The following DBT variants were observed in gnomAD, a reference collection of about 807,000 sequenced individuals.
The protein encoded by DBT is lipoamide acyltransferase component of branched-chain alpha-keto acid dehydrogenase complex, mitochondrial.
A neutral mutation model predicts 51.3 loss-of-function variants in DBT; 40 were observed. That is an observed-to-expected ratio of 0.78 (90% CI 0.61 to 1.02). DBT has a LOEUF of 1.02. DBT is among the 50% of genes least tolerant of loss of function. DBT has a pLI of 0.00. For missense variants in DBT, 510 were observed against 580.2 expected (o/e 0.88, Z 1.24); for synonymous variants, 181 against 190.4 (o/e 0.95, Z 0.41).
intron 4 of DBT, among the ~76,000 whole-genome samples, chr1:100,229,045 A>G (rs912676343): frequency 2.6e-5 from 4 of 152,222 alleles, no homozygotes; most frequent in African/African-American, 9.6e-5. Flanking sequence ...AGCCTTCAAT[A>G]AATCACCTTC....
At chr1:100,244,033 A>G (rs1664389968) in intron 1 of DBT, among the ~76,000 whole-genome samples, 1 of 144,382 alleles carries the variant, frequency 6.9e-6, no homozygotes, top group Non-Finnish European at 1.5e-5. Context: ...ATTGCACTCC[A>G]GCCTAGGCAA....
At chr1:100,205,025 C>T (rs1267897945) in intron 10 of DBT, among the ~76,000 whole-genome samples, 1 of 152,130 alleles carries the variant, frequency 6.6e-6, no homozygotes. Flanking sequence ...CTAGGCAATA[C>T]CATTTAGGAC....
intron 2 of DBT, among the ~76,000 whole-genome samples, chr1:100,239,601 G>C (rs948725394): frequency 1.3e-5 from 2 of 151,944 alleles, no homozygotes; most frequent in Non-Finnish European, 2.9e-5. Flanking sequence ...GGCCGGTGCA[G>C]GGCTCATGCC....
intron 3 of DBT, among the ~76,000 whole-genome samples, chr1:100,233,434 C>T (rs1428240175): frequency 1.3e-5 from 2 of 152,190 alleles, no homozygotes; most frequent in Admixed American, 6.5e-5. Flanking sequence ...TGCTTCCTTA[C>T]ATATTCAAAT....
intron 8 of DBT, among the ~76,000 whole-genome samples, chr1:100,207,815 ACT>A (rs765396961): frequency 2.6e-5 from 4 of 151,330 alleles, no homozygotes; most frequent in East Asian, 1.9e-4. Context: ...ACAGAGCAAA[ACT>A]CTGTGTCAAA....
chr1:100,220,142 CAAAAAGAAAAAAG>C (rs1662765648), intron 4 of DBT, among the ~76,000 whole-genome samples: 1 of 150,794 alleles, frequency 6.6e-6, no homozygotes, highest in African/African-American at 2.4e-5. Context: ...AAGGCTGCCT[CAAAAAGAAAAAAG>C]GAAAAGAAAA....
chr1:100,215,958 A>G (rs770301628), intron 6 of DBT, 25 bp downstream of exon 6: 1 of 1,319,692 alleles, frequency 7.6e-7, no homozygotes. Flanking sequence ...CTATTGCCTT[A>G]TAGTATTGTT....
Position 100,216,181 on chromosome 1 carries a change from C to A in DBT, c.574G>T (p.Val192Phe). ...ATTCTGCCATCTTTTCCTGAGCCAA[C>A]AACTTCACTCAGCTTAATCTAAAAA... The part of the protein sequence containing the change: ...MENNIKLSEV[V>F]GSGKDGRILK... Residue 192 changes from valine (V) to phenylalanine (F), a missense_variant, in exon 6 of 11, where the codon GTT becomes TTT. Coordinates refer to ENST00000370132, the MANE Select transcript of DBT (RefSeq NM_001918.5). The A allele has an allele frequency of 6.2e-7, 1 of 1,612,400 alleles. No individual in the cohort carries two copies. Among genetic ancestry groups the A allele is most frequent in the Admixed American group, 1.7e-5 (1 of 60,026 alleles).
intron 8 of DBT, among the ~76,000 whole-genome samples, chr1:100,207,263 A>C (rs544934108): frequency 2.6e-5 from 4 of 152,294 alleles, no homozygotes; most frequent in South Asian, 4.1e-4. Flanking sequence ...AATTTCCTTG[A>C]AAACTGATTT....
At chr1:100,248,307 T>C (rs1664675846) in intron 1 of DBT, among the ~76,000 whole-genome samples, 2 of 152,168 alleles carry the variant, frequency 1.3e-5, no homozygotes, top group African/African-American at 4.8e-5. Flanking sequence ...TTGATAATCA[T>C]AAGCCACTTA....
intron 8 of DBT, among the ~76,000 whole-genome samples, chr1:100,208,910 CAAA>C (rs11369687): frequency 3.7e-5 from 4 of 109,420 alleles, no homozygotes; most frequent in Non-Finnish European, 3.8e-5. Flanking sequence ...GACTCTGTAT[CAAA>C]AAAAAAAAAA....
Position 100,202,590 on chromosome 1 carries a change from C to A in DBT, c.1281+3640G>T, listed in dbSNP as rs557290517. 3.9e-4 allele frequency among the ~76,000 whole-genome samples: 60 copies of A among 152,302 alleles called. No individual in the cohort carries two copies. In the East Asian group the frequency reaches 0.01, roughly 26 times the overall value. On this transcript the variant is annotated intron_variant, in intron 10 of 10. Coordinates refer to ENST00000370132, the MANE Select transcript of DBT (RefSeq NM_001918.5). ...TGGACCAAGCGGACCTAATAGACAT[C>A]GACAGAACTCTCCACCCCAAATCAA... is the stretch of plus-strand genomic sequence containing the variant.
rs893877678 is a variant in DBT at position 100,194,742 on chromosome 1, T to C, written c.*1513A>G. 6.6e-6 allele frequency: 1 copy of C among 152,248 alleles called. No homozygotes were observed. Among genetic ancestry groups the C allele is most frequent in the African/African-American group, 2.4e-5 (1 of 41,468 alleles). The allele number at this position is 152,248 out of a possible 1,614,324, so 9.4% of individuals were successfully genotyped here. On this transcript the variant is annotated 3_prime_UTR_variant, in exon 11 of 11. Coordinates refer to ENST00000370132, the MANE Select transcript of DBT (RefSeq NM_001918.5). ...GATCCTCCTGCTTCAGCCTCCCCTA[T>C]AACTGGGATTACAGTTACAAGTCAT... is the stretch of plus-strand genomic sequence containing the variant.
Position 100,239,851 on chromosome 1 carries a change from C to CAAAAAA in DBT, c.175+904_175+909dup, listed in dbSNP as rs56661922. Among the ~76,000 whole-genome samples the CAAAAAA allele has an allele frequency of 1.2e-3, 137 of 111,118 alleles. 1 individual carries two copies. The highest frequency in any genetic ancestry group is 1.5e-3 in the Non-Finnish European group (84 of 55,384). The allele number at this position is 111,118 out of a possible 152,430, so 72.9% of individuals were successfully genotyped here. ...GCACTCCAGCCTGAGCAACAGAGCTCAAAAAAAAAAAAAAAAAAAAAAAAA... is the reference window on the plus strand; with the variant it reads ...GCACTCCAGCCTGAGCAACAGAGCTCAAAAAAAAAAAAAAAAAAAAAAAAAAAAAAA... On this transcript the variant is annotated intron_variant, in intron 2 of 10. Transcript: ENST00000370132.
At chr1:100,210,535 C>T (rs1209624460) in intron 8 of DBT, 159 bp downstream of exon 8, 8 of 997,456 alleles carry the variant, frequency 8.0e-6, no homozygotes, top group Admixed American at 3.0e-5. Flanking sequence ...ACAAAAACAA[C>T]AACAATGAAT....
At chr1:100,217,523 G>A (rs1010031239) in intron 5 of DBT, among the ~76,000 whole-genome samples, 6 of 152,246 alleles carry the variant, frequency 3.9e-5, no homozygotes, top group Non-Finnish European at 8.8e-5. Flanking sequence ...TTATTTTCTT[G>A]GGATAGTTCC....
chr1:100,211,336 T>G (rs1394552276), intron 7 of DBT, among the ~76,000 whole-genome samples: 1 of 152,218 alleles, frequency 6.6e-6, no homozygotes, highest in Non-Finnish European at 1.5e-5. Flanking sequence ...GCCTTCTCCC[T>G]TTTGTCACTT....
rs761376358 is a variant in DBT, at chr1:100,214,911, A to G, written c.845T>C (p.Ile282Thr). The G allele has an allele frequency of 6.2e-7, 1 of 1,613,550 alleles. No individual in the cohort carries two copies. Among genetic ancestry groups the G allele is most frequent in the Non-Finnish European group, 8.5e-7 (1 of 1,179,432 alleles). Residue 282 changes from isoleucine (I) to threonine (T), a missense_variant, in exon 7 of 11, where the codon ATT becomes ACT. Transcript: ENST00000370132. The stretch of plus-strand genomic sequence containing the variant: ...GAGCTTAACCAGTTCAGTAAGGTCA[A>G]TCTCATCACAATAACCAAAATGAGG... ...KIPHFGYCDE[I>T]DLTELVKLRE... is the part of the protein sequence containing the mutation.
chr1:100,201,973 G>A lies in DBT; in HGVS notation c.1281+4257C>T, dbSNP rs568126750. Among the ~76,000 whole-genome samples the A allele has an allele frequency of 1.3e-4, 20 of 152,204 alleles. 1 individual carries two copies. In the South Asian group the frequency reaches 3.5e-3, roughly 27 times the overall value. On this transcript the variant is annotated intron_variant, in intron 10 of 10. Transcript: ENST00000370132. ...AGCAACCCAAAATGTAAAGACCATC[G>A]ACACTATGAAGAAACTGCATCAACT...
Sources: gnomAD v4.1 joint callset for allele counts (sites outside exome capture counted in the v4.1 genomes callset) on GRCh38, gnomAD v4.1.1 for gene constraint, MANE v1.5 for transcripts, NCBI Gene and HGNC (gene_info 2026-07-23, HGNC 2026-07-21) for gene names.